The following LHFPL3 variants were observed in gnomAD, a reference collection of about 807,000 sequenced individuals.
The protein encoded by LHFPL3 is LHFPL tetraspan subfamily member 3.
A neutral mutation model predicts 19.3 loss-of-function variants in LHFPL3; 5 were observed. The ratio of observed to expected loss-of-function variants is 0.26; its 90% confidence interval spans 0.14 to 0.54. The LOEUF is 0.54. Ranked by LOEUF, LHFPL3 falls within the 20% of genes least tolerant of loss-of-function variation. The probability of loss-of-function intolerance (pLI) is 0.94; values close to 1 mark genes in which losing one functional copy is unlikely to be tolerated. For synonymous variants in LHFPL3, 133 were observed against 126.2 expected (o/e 1.05, Z -0.36); for missense variants, 249 against 307.4 (o/e 0.81, Z 1.42).
chr7:104,512,053 C>T (rs539886878), intron 1 of LHFPL3, among the ~76,000 whole-genome samples: 1 of 147,654 alleles, frequency 6.8e-6, no homozygotes, highest in South Asian at 2.1e-4. Flanking sequence ...CTCCCAGGTT[C>T]AAGCGATTCT....
chr7:104,689,428 C>A (rs1562966176), intron 1 of LHFPL3, among the ~76,000 whole-genome samples: 1 of 152,104 alleles, frequency 6.6e-6, no homozygotes, highest in African/African-American at 2.4e-5. Flanking sequence ...ATTTGTATAA[C>A]CAGGAAACTT....
chr7:104,473,064 T>C (rs559763191), intron 1 of LHFPL3, among the ~76,000 whole-genome samples: 121 of 152,352 alleles, frequency 7.9e-4, no homozygotes, highest in Non-Finnish European at 1.1e-3. Context: ...GTTTACTCTT[T>C]GTGGAACTAA....
chr7:104,651,330 A>AT (rs2115940150), intron 1 of LHFPL3, among the ~76,000 whole-genome samples: 1 of 152,338 alleles, frequency 6.6e-6, no homozygotes, highest in South Asian at 2.1e-4. Flanking sequence ...TAAAATAAAG[A>AT]TTTTAAACCT....
intron 1 of LHFPL3, among the ~76,000 whole-genome samples, chr7:104,542,391 G>A (rs980980294): frequency 5.3e-5 from 8 of 152,126 alleles, no homozygotes; most frequent in Non-Finnish European, 1.0e-4. Flanking sequence ...ATCCTTCAGG[G>A]ATGGGCCAGT....
At chr7:104,595,819 T>G (rs2115667672) in intron 1 of LHFPL3, among the ~76,000 whole-genome samples, 1 of 152,340 alleles carries the variant, frequency 6.6e-6, no homozygotes, top group South Asian at 2.1e-4. Flanking sequence ...GATCTCAGAC[T>G]GCTGCATTAG....
At chr7:104,704,639 CTTT>C (rs58666984) in intron 1 of LHFPL3, among the ~76,000 whole-genome samples, 5 of 142,280 alleles carry the variant, frequency 3.5e-5, no homozygotes, top group African/African-American at 1.1e-4. Context: ...TTCTTTATTT[CTTT>C]TTTTTTTTTT....
chr7:104,757,279 T>C (rs1794303133), intron 2 of LHFPL3, among the ~76,000 whole-genome samples: 4 of 152,100 alleles, frequency 2.6e-5, no homozygotes, highest in Admixed American at 2.6e-4. Flanking sequence ...GGAAATACCA[T>C]CTGGACATCA....
At chr7:104,805,647 T>C (rs1790346400) in intron 2 of LHFPL3, among the ~76,000 whole-genome samples, 1 of 152,208 alleles carries the variant, frequency 6.6e-6, no homozygotes, top group Non-Finnish European at 1.5e-5. Context: ...CACAGAGCTG[T>C]ACAAAAGCTT....
At chr7:104,613,670 A>T (rs1186898843) in intron 1 of LHFPL3, among the ~76,000 whole-genome samples, 2 of 152,172 alleles carry the variant, frequency 1.3e-5, no homozygotes, top group South Asian at 2.1e-4. Context: ...TTGCTTAATC[A>T]TTACTTACTC....
chr7:104,870,810 G>A (rs929428693), intron 2 of LHFPL3, among the ~76,000 whole-genome samples: 3 of 152,178 alleles, frequency 2.0e-5, no homozygotes, highest in African/African-American at 7.2e-5. Flanking sequence ...TCTGGAGGAG[G>A]ACGCAGCCAC....
chr7:104,619,076 G>A (rs1403232950), intron 1 of LHFPL3, among the ~76,000 whole-genome samples: 1 of 152,162 alleles, frequency 6.6e-6, no homozygotes, highest in African/African-American at 2.4e-5. Context: ...GGAGTCAGCG[G>A]TGCTTCCTGT....
intron 2 of LHFPL3, among the ~76,000 whole-genome samples, chr7:104,824,540 TA>T (rs1386816137): frequency 2.7e-5 from 2 of 73,142 alleles, no homozygotes; most frequent in African/African-American, 5.7e-5. Context: ...ATAATATATA[TA>T]ATTATATATA....
At chr7:104,656,194 G>A (rs73181827) in intron 1 of LHFPL3, among the ~76,000 whole-genome samples, 6,656 of 151,758 alleles carry the variant, frequency 0.044, 187 homozygotes, top group East Asian at 0.12. Flanking sequence ...AGAGAAAGTA[G>A]ATGAGATGGT....
intron 1 of LHFPL3, among the ~76,000 whole-genome samples, chr7:104,410,202 G>A (rs1428897242): frequency 6.6e-6 from 1 of 152,004 alleles, no homozygotes; most frequent in Non-Finnish European, 1.5e-5. Context: ...GTGCAATCTT[G>A]GCTCACTGCA....
At chr7:104,451,813 C>T (rs1220774936) in intron 1 of LHFPL3, among the ~76,000 whole-genome samples, 2 of 151,884 alleles carry the variant, frequency 1.3e-5, no homozygotes, top group Admixed American at 1.3e-4. Flanking sequence ...GGCATGATCT[C>T]GGCTCACTGC....
chr7:104,892,607 A>T (rs1270855666), intron 2 of LHFPL3, among the ~76,000 whole-genome samples: 13 of 149,960 alleles, frequency 8.7e-5, no homozygotes, highest in Non-Finnish European at 7.4e-5. Flanking sequence ...GCTATTCCAG[A>T]GGCTGAGGCA....
At chr7:104,495,674 C>T (rs987782910) in intron 1 of LHFPL3, among the ~76,000 whole-genome samples, 1 of 152,120 alleles carries the variant, frequency 6.6e-6, no homozygotes, top group African/African-American at 2.4e-5. Context: ...TGAGCTAACG[C>T]GCCTGGCCTA....
chr7:104,683,608 G>A (rs963315662), intron 1 of LHFPL3, among the ~76,000 whole-genome samples: 25 of 151,980 alleles, frequency 1.6e-4, no homozygotes, highest in African/African-American at 4.8e-4. Flanking sequence ...GATACATAAA[G>A]TCAGCTTCCA....
chr7:104,886,746 A>C (rs1458627949), intron 2 of LHFPL3, among the ~76,000 whole-genome samples: 1 of 152,238 alleles, frequency 6.6e-6, no homozygotes, highest in East Asian at 1.9e-4. Flanking sequence ...ACCAAATTAC[A>C]AACTCAGCTT....
Sources: allele counts gnomAD v4.1 joint callset (sites outside exome capture counted in the v4.1 genomes callset), GRCh38; gene constraint gnomAD v4.1.1; transcripts MANE v1.5; gene names NCBI Gene and HGNC (gene_info 2026-07-23, HGNC 2026-07-21).